CPE: variants seen among roughly 807,000 people sequenced by gnomAD.
CPE encodes the protein carbocypeptidase E.
In CPE, 17 loss-of-function variants were observed where a neutral mutation model predicts 53.5. The observed-to-expected ratio is 0.32, with a 90% CI of 0.22 to 0.48. The LOEUF is 0.48. Ranked by LOEUF, CPE falls within the 20% of genes least tolerant of loss-of-function variation. The probability of loss-of-function intolerance (pLI) is 0.99; values close to 1 mark genes in which losing one functional copy is unlikely to be tolerated. For missense variants in CPE, 524 were observed against 614.7 expected, an observed-to-expected ratio of 0.85 and a Z score of 1.56; for synonymous variants, 226 against 228.8, an observed-to-expected ratio of 0.99 and a Z score of 0.11.
intron 1 of CPE, among the ~76,000 whole-genome samples, chr4:165,462,943 A>T (rs1312519419): frequency 6.6e-6 from 1 of 152,246 alleles, no homozygotes; most frequent in African/African-American, 2.4e-5. Context: ...GAGAAAAATA[A>T]TTCTAATTTG....
intron 1 of CPE, among the ~76,000 whole-genome samples, chr4:165,383,597 G>T (rs1730538609): frequency 6.6e-6 from 1 of 152,156 alleles, no homozygotes; most frequent in Non-Finnish European, 1.5e-5. Flanking sequence ...TTTCTCAAAG[G>T]CTGGAATGAT....
chr4:165,421,277 G>T (rs1018165899), intron 1 of CPE, among the ~76,000 whole-genome samples: 1 of 152,182 alleles, frequency 6.6e-6, no homozygotes, highest in Admixed American at 6.5e-5. Context: ...AACAACACAT[G>T]TATTGAAAGG....
intron 1 of CPE, among the ~76,000 whole-genome samples, chr4:165,430,797 T>C (rs920513750): frequency 7.9e-5 from 12 of 152,250 alleles, no homozygotes; most frequent in South Asian, 2.1e-4. Flanking sequence ...GAGACAATGA[T>C]TTAAGTTAAA....
chr4:165,413,958 C>T (rs976998007), intron 1 of CPE, among the ~76,000 whole-genome samples: 10 of 152,088 alleles, frequency 6.6e-5, no homozygotes, highest in African/African-American at 1.4e-4. Flanking sequence ...TAGCATTTGA[C>T]GAGTATTCTA....
intron 1 of CPE, among the ~76,000 whole-genome samples, chr4:165,423,001 A>T (rs59831445): frequency 2.8e-5 from 4 of 143,450 alleles, no homozygotes; most frequent in East Asian, 2.1e-4. Flanking sequence ...AAAAAAAGAT[A>T]TACACTGGGT....
intron 3 of CPE, among the ~76,000 whole-genome samples, chr4:165,473,917 G>A (rs544248638): frequency 6.6e-6 from 1 of 152,326 alleles, no homozygotes; most frequent in South Asian, 2.1e-4. Flanking sequence ...TCAGCTCAAG[G>A]CCATTAGGCA....
chr4:165,469,655 C>T (rs17687429), intron 3 of CPE, among the ~76,000 whole-genome samples: 6,112 of 152,244 alleles, frequency 0.04, 191 homozygotes, highest in East Asian at 0.14. Flanking sequence ...TATGGGCTTA[C>T]TGTTACATCC....
At chr4:165,444,253 G>GT (rs745336058) in intron 1 of CPE, among the ~76,000 whole-genome samples, 1 of 152,146 alleles carries the variant, frequency 6.6e-6, no homozygotes, top group Non-Finnish European at 1.5e-5. Context: ...GGTAAATGAT[G>GT]TAACACAGAT....
At chr4:165,380,554 A>G (rs547216487) in intron 1 of CPE, among the ~76,000 whole-genome samples, 1 of 152,308 alleles carries the variant, frequency 6.6e-6, no homozygotes, top group East Asian at 1.9e-4. Flanking sequence ...TGCTAATAAT[A>G]TCAGCATGGG....
intron 1 of CPE, among the ~76,000 whole-genome samples, chr4:165,445,696 G>T (rs1026250886): frequency 4.6e-5 from 7 of 152,084 alleles, no homozygotes; most frequent in Non-Finnish European, 7.4e-5. Context: ...GAAAATAACA[G>T]TTCTTCCAAA....
intron 3 of CPE, among the ~76,000 whole-genome samples, chr4:165,471,775 A>T (rs1321234460): frequency 6.6e-6 from 1 of 152,190 alleles, no homozygotes; most frequent in African/African-American, 2.4e-5. Context: ...CTGTACAGGG[A>T]CTGTGTAGAC....
Position 165,461,166 on chromosome 4 carries a change from C to CAAAAAAAAAAAAAAAAAAAAAAAA in CPE, c.308-3203_308-3202insAAAAAAAAAAAAAAAAAAAAAAAA, listed in dbSNP as rs1173022270. ...TGGGTGACAGAGTGAGCCTCTGCCT[C>CAAAAAAAAAAAAAAAAAAAAAAAA]AAAAAAAAAAAAAAAAAAAAAGAAA... On this transcript the variant is annotated intron_variant, in intron 1 of 8. Coordinates refer to ENST00000402744, the MANE Select transcript of CPE (RefSeq NM_001873.4). Among the ~76,000 whole-genome samples the CAAAAAAAAAAAAAAAAAAAAAAAA allele has an allele frequency of 1.2e-3, 52 of 44,180 alleles. 1 individual carries two copies. Among genetic ancestry groups the CAAAAAAAAAAAAAAAAAAAAAAAA allele is most frequent in the Middle Eastern group, 0.012 (1 of 84 alleles). The allele number at this position is 44,180 out of a possible 152,430, so 29.0% of individuals were successfully genotyped here.
chr4:165,464,261 AT>A (rs901051371), intron 1 of CPE, 128 bp from the exon 2 acceptor site: 522 of 703,956 alleles, frequency 7.4e-4, no homozygotes, highest in Middle Eastern at 1.0e-3. Context: ...TCTACGGTAG[AT>A]TTTTTTTTAA....
intron 3 of CPE, among the ~76,000 whole-genome samples, chr4:165,473,076 A>G (rs1368116864): frequency 2.6e-5 from 4 of 151,106 alleles, no homozygotes; most frequent in Admixed American, 6.6e-5. Context: ...TACAGTTAGG[A>G]GTCAAAGTAG....
At chr4:165,435,359 T>C (rs552161717) in intron 1 of CPE, among the ~76,000 whole-genome samples, 2 of 151,534 alleles carry the variant, frequency 1.3e-5, no homozygotes, top group Admixed American at 6.6e-5. Flanking sequence ...AAAACTGACT[T>C]TGGAAAAGAA....
chr4:165,401,652 C>G (rs1730870284), intron 1 of CPE, among the ~76,000 whole-genome samples: 1 of 152,202 alleles, frequency 6.6e-6, no homozygotes, highest in Non-Finnish European at 1.5e-5. Flanking sequence ...ATTCTCCTCT[C>G]ATTATTTCTT....
In CPE at chr4:165,379,186, G is replaced by T. The variant is rs1434379799; in HGVS notation, c.-36G>T. On this transcript the variant is annotated 5_prime_UTR_variant, in exon 1 of 9. Coordinates refer to ENST00000402744, the MANE Select transcript of CPE (RefSeq NM_001873.4). This position sits in a 1 kb window ranked among gnomAD's most constrained non-coding sequence, Gnocchi z 6.0. ...CGGGCAGACAAAAGAGGCCGCCCGC[G>T]TAGGAAGGCACGGCCGGCGGCGGCG... 4.7e-5 allele frequency: 57 copies of T among 1,222,026 alleles called. No homozygotes were observed. The highest frequency in any genetic ancestry group is 5.6e-5 in the Non-Finnish European group (55 of 983,432). The allele number at this position is 1,222,026 out of a possible 1,614,324, so 75.7% of individuals were successfully genotyped here.
chr4:165,464,536 C>A lies in CPE; in HGVS notation c.454C>A (p.His152Asn). 1 of 1,613,472 alleles carries A rather than the reference C, an allele frequency of 6.2e-7. No homozygotes were observed. Among genetic ancestry groups the A allele is most frequent in the Non-Finnish European group, 8.5e-7 (1 of 1,179,676 alleles). ...IVNLIHSTRIHIMPSLNPDGF... is the reference protein window; with the variant it reads ...IVNLIHSTRINIMPSLNPDGF... ...CAACCTGATCCACAGTACCCGCATT[C>A]ACATCATGCCTTCCCTGAACCCAGA... The change falls in exon 2 of 9, where the codon CAC becomes AAC. Residue 152 changes from histidine (H) to asparagine (N), a missense_variant. Transcript: ENST00000402744.
At chr4:165,449,215 C>G (rs995170084) in intron 1 of CPE, among the ~76,000 whole-genome samples, 2 of 152,184 alleles carry the variant, frequency 1.3e-5, no homozygotes, top group African/African-American at 4.8e-5. Flanking sequence ...CATGATTAGC[C>G]TATGATTACC....
Sources: allele counts gnomAD v4.1 joint callset (sites outside exome capture counted in the v4.1 genomes callset), GRCh38; gene constraint gnomAD v4.1.1; non-coding constraint Gnocchi (gnomAD v3.1); transcripts MANE v1.5; gene names NCBI Gene and HGNC (gene_info 2026-07-23, HGNC 2026-07-21).